Variants in APAF1 observed in about 807,000 individuals in gnomAD.
The protein encoded by APAF1 is apoptotic peptidase activating factor 1, also known as apoptotic protease-activating factor 1.
In APAF1, 91 loss-of-function variants were observed where a neutral mutation model predicts 152.4. The observed-to-expected ratio is 0.60, with a 90% CI of 0.50 to 0.71. The LOEUF (loss-of-function observed/expected upper bound fraction) is 0.71. Among genes scored for constraint, APAF1 ranks in the 30% least tolerant of loss-of-function variants. The pLI, the probability that APAF1 is intolerant of heterozygous loss-of-function variation, is 0.00. For synonymous variants in APAF1, 484 were observed against 494.1 expected (o/e 0.98, Z 0.27); for missense variants, 1,283 against 1,472.0 (o/e 0.87, Z 2.10).
At chr12:98,673,447 A>C (rs890144646) in intron 12 of APAF1, among the ~76,000 whole-genome samples, 10 of 151,842 alleles carry the variant, frequency 6.6e-5, no homozygotes, top group East Asian at 1.9e-4. Flanking sequence ...AAAAACAAAA[A>C]AAAAAAAAAC....
At chr12:98,652,505 T>A (rs974750457) in intron 4 of APAF1, among the ~76,000 whole-genome samples, 2 of 152,156 alleles carry the variant, frequency 1.3e-5, no homozygotes, top group African/African-American at 4.8e-5. Context: ...TTTTTATGGA[T>A]TTTGTTTATA....
At chr12:98,721,819 A>G (rs1373069348) in intron 22 of APAF1, among the ~76,000 whole-genome samples, 1 of 152,144 alleles carries the variant, frequency 6.6e-6, no homozygotes, top group Admixed American at 6.5e-5. Context: ...AAAAAAGGGG[A>G]ATAAGAGATG....
Position 98,707,329 on chromosome 12 carries a change from G to C in APAF1, c.2721+719G>C, listed in dbSNP as rs78749537. On this transcript the variant is annotated intron_variant, in intron 19 of 26. Coordinates refer to ENST00000551964, the MANE Select transcript of APAF1 (RefSeq NM_181861.2). ...CTGCTTCTGTGCTTTTCCTTAAGTG[G>C]TTTCTTATATTTGGAATGCTCTACT... 9.6e-3 allele frequency among the ~76,000 whole-genome samples: 1,462 copies of C among 152,170 alleles called. 19 individuals are homozygous for C. Among genetic ancestry groups the C allele is most frequent in the African/African-American group, 0.034 (1,403 of 41,504 alleles).
chr12:98,662,990 T>C (rs2153315276), intron 7 of APAF1, among the ~76,000 whole-genome samples, 184 bp downstream of exon 7: 1 of 152,332 alleles, frequency 6.6e-6, no homozygotes, highest in East Asian at 1.9e-4. Context: ...TATTTATTCA[T>C]TAAAATAATA....
chr12:98,647,822 C>G (rs2097643624), intron 1 of APAF1, among the ~76,000 whole-genome samples: 1 of 150,962 alleles, frequency 6.6e-6, no homozygotes, highest in Non-Finnish European at 1.5e-5. Flanking sequence ...TATACATACC[C>G]TAATTTTTAA....
At chr12:98,720,418 T>C (rs903252668) in intron 22 of APAF1, among the ~76,000 whole-genome samples, 1 of 152,164 alleles carries the variant, frequency 6.6e-6, no homozygotes, top group Admixed American at 6.5e-5. Context: ...TTGTAAATGA[T>C]TAAGTGGAGG....
At chr12:98,700,504 G>T (rs994703098) in intron 17 of APAF1, among the ~76,000 whole-genome samples, 1 of 152,110 alleles carries the variant, frequency 6.6e-6, no homozygotes, top group Non-Finnish European at 1.5e-5. Flanking sequence ...CCTTTAGCAG[G>T]AAACTAAGAG....
intron 16 of APAF1, among the ~76,000 whole-genome samples, chr12:98,695,499 G>A (rs1343997468): frequency 6.6e-6 from 1 of 152,066 alleles, no homozygotes; most frequent in Non-Finnish European, 1.5e-5. Context: ...TGAGGAGCTG[G>A]GACTACAGGT....
intron 16 of APAF1, among the ~76,000 whole-genome samples, chr12:98,688,581 G>C (rs1032068494): frequency 2.1e-5 from 3 of 143,058 alleles, no homozygotes; most frequent in Non-Finnish European, 4.5e-5. Context: ...AGCAGTCCTC[G>C]TACTTCAGCC....
In APAF1 at chr12:98,649,627, G is replaced by A; in HGVS notation, c.469G>A (p.Gly157Ser). 6.2e-7 allele frequency: 1 copy of A among 1,614,184 alleles called. No homozygotes were observed. The highest frequency in any genetic ancestry group is 1.1e-5 in the South Asian group (1 of 91,088). Reference protein sequence around the residue: ...PGWVTIHGMAGCGKSVLAAEA... With the variant: ...PGWVTIHGMASCGKSVLAAEA... ...ATGGGTCACCATACATGGAATGGCA[G>A]GCTGTGGGAAGTCTGTATTAGCTGC... The change falls in exon 4 of 27, where the codon GGC becomes AGC. Residue 157 changes from glycine to serine, a missense_variant. Coordinates refer to ENST00000551964, the MANE Select transcript of APAF1 (RefSeq NM_181861.2).
rs200461221 is a variant in APAF1 at position 98,703,414 on chromosome 12, C to G, written c.2510C>G (p.Thr837Arg). ...AGTGGCCTATTGGGAGAAATCCACA[C>G]GGGCCATCACAGCACCATCCAGTAC... Reference protein sequence around the residue: ...HTSGLLGEIHTGHHSTIQYCD... With the variant: ...HTSGLLGEIHRGHHSTIQYCD... Residue 837 changes from threonine (T) to arginine (R), a missense_variant, in exon 18 of 27, where the codon ACG becomes AGG. Coordinates refer to ENST00000551964, the MANE Select transcript of APAF1 (RefSeq NM_181861.2). 1 of 1,614,064 alleles carries G rather than the reference C, an allele frequency of 6.2e-7. No homozygotes were observed.
In APAF1 at chr12:98,662,681, A is replaced by C. The variant is rs1565861409; in HGVS notation, c.830A>C (p.Lys277Thr). The change falls in exon 7 of 27, where the codon AAA (lysine) becomes ACA (threonine). Residue 277 changes from lysine (K) to threonine (T), a missense_variant. Coordinates refer to ENST00000551964, the MANE Select transcript of APAF1 (RefSeq NM_181861.2). ...TTGTGATTTTTGTTTGCAGGTCCTA[A>C]ATATGTAGTCCCTGTGGAGAGTTCC... ...KSVTDSVMGP[K>T]YVVPVESSLG... 6.2e-7 allele frequency: 1 copy of C among 1,613,268 alleles called. No individual in the cohort carries two copies.
intron 4 of APAF1, among the ~76,000 whole-genome samples, chr12:98,651,573 G>A (rs906821130): frequency 6.6e-6 from 1 of 152,214 alleles, no homozygotes; most frequent in African/African-American, 2.4e-5. Flanking sequence ...ACTCTCTGCT[G>A]CTGCAGCAAA....
At chr12:98,673,041 A>G (rs2097682283) in intron 12 of APAF1, among the ~76,000 whole-genome samples, 1 of 152,074 alleles carries the variant, frequency 6.6e-6, no homozygotes, top group Non-Finnish European at 1.5e-5. Flanking sequence ...TACAGGCGTG[A>G]GCCACTGCAC....
At chr12:98,732,386 C>A in intron 26 of APAF1, 34 bp from the exon 27 acceptor site, 1 of 1,599,466 alleles carries the variant, frequency 6.3e-7, no homozygotes, top group Non-Finnish European at 8.6e-7. Context: ...GTGTAATTAC[C>A]AATCTAATGA....
At chr12:98,691,945 C>T (rs897314958) in intron 16 of APAF1, among the ~76,000 whole-genome samples, 1 of 152,120 alleles carries the variant, frequency 6.6e-6, no homozygotes, top group African/African-American at 2.4e-5. Flanking sequence ...TCATCTGCAA[C>T]CTTCATTTTA....
chr12:98,703,577 T>C (rs1053950709), intron 18 of APAF1, 78 bp downstream of exon 18: 4 of 1,569,288 alleles, frequency 2.5e-6, no homozygotes, highest in Non-Finnish European at 3.5e-6. Context: ...GCTTAAACCA[T>C]TAACTGCTGA....
intron 10 of APAF1, among the ~76,000 whole-genome samples, chr12:98,669,674 G>A (rs1046331828): frequency 6.6e-6 from 1 of 152,120 alleles, no homozygotes; most frequent in Non-Finnish European, 1.5e-5. Flanking sequence ...GATTGTTTAA[G>A]CATATTCATC....
chr12:98,715,761 G>A (rs7311388), intron 22 of APAF1, among the ~76,000 whole-genome samples: 3 of 152,046 alleles, frequency 2.0e-5, no homozygotes, highest in African/African-American at 7.3e-5. Context: ...CTGTTGGAAG[G>A]TTGTTTATTT....
Sources: allele counts gnomAD v4.1 joint callset (sites outside exome capture counted in the v4.1 genomes callset), GRCh38; gene constraint gnomAD v4.1.1; transcripts MANE v1.5; gene names NCBI Gene and HGNC (gene_info 2026-07-23, HGNC 2026-07-21).